The following ABR variants were observed in gnomAD, a reference collection of about 807,000 sequenced individuals.
The protein encoded by ABR is active breakpoint cluster region-related protein.
A neutral mutation model predicts 107.2 loss-of-function variants in ABR; 35 were observed. The observed-to-expected ratio is 0.33, with a 90% confidence interval of 0.25 to 0.43. ABR has a LOEUF of 0.43. Ranked by LOEUF, ABR falls within the 20% of genes least tolerant of loss-of-function variation. ABR has a pLI of 1.00. For synonymous variants in ABR, 498 were observed against 462.0 expected, an observed-to-expected ratio of 1.08 and a Z score of -1.00; for missense variants, 815 against 1,115.2, an observed-to-expected ratio of 0.73 and a Z score of 3.83.
intron 2 of ABR, among the ~76,000 whole-genome samples, chr17:1,111,622 A>G (rs1448922013): frequency 1.3e-5 from 2 of 152,070 alleles, no homozygotes; most frequent in Admixed American, 6.5e-5. Flanking sequence ...TGCAGTCTAG[A>G]GTTTCTCCAA....
At chr17:1,066,586 T>G (rs12948722) in intron 10 of ABR, among the ~76,000 whole-genome samples, 2 of 152,112 alleles carry the variant, frequency 1.3e-5, no homozygotes, top group South Asian at 4.1e-4. Flanking sequence ...TGGAGTGCAT[T>G]GGCATGTTCT....
chr17:1,084,630 C>T lies in ABR; in HGVS notation c.532-1003G>A, dbSNP rs975121550. ...ACCGAGGCTCCATAAGTCAATTCCC[C>T]AAATATTTATGGAAAGGCTTCGCTG... is the stretch of plus-strand genomic sequence containing the variant. On this transcript the variant is annotated intron_variant, in intron 4 of 22. Coordinates refer to ENST00000302538, the MANE Select transcript of ABR (RefSeq NM_021962.5). This position sits in a 1 kb window ranked among gnomAD's most constrained non-coding sequence, Gnocchi z 4.2. 1.3e-5 allele frequency among the ~76,000 whole-genome samples: 2 copies of T among 152,160 alleles called. No individual in the cohort carries two copies. The highest frequency in any genetic ancestry group is 3.2e-3 in the Middle Eastern group (1 of 316).
intron 16 of ABR, chr17:1,022,704 C>G (rs866284808): frequency 6.5e-6 from 1 of 154,896 alleles, no homozygotes; most frequent in African/African-American, 2.4e-5. Flanking sequence ...CCTCTCCAGC[C>G]CTCACCCTGC....
At chr17:1,058,286 C>T (rs1414256222) in intron 11 of ABR, among the ~76,000 whole-genome samples, 1 of 152,064 alleles carries the variant, frequency 6.6e-6, no homozygotes, top group Non-Finnish European at 1.5e-5. Flanking sequence ...ATTACAGGTG[C>T]CCACCACCAC....
At chr17:1,134,153 C>A (rs550165945) in intron 1 of ABR, among the ~76,000 whole-genome samples, 25 of 152,284 alleles carry the variant, frequency 1.6e-4, no homozygotes, top group Admixed American at 1.6e-3. Flanking sequence ...TGACTCACGC[C>A]TGTAATCCCA....
chr17:1,110,431 G>C lies in ABR; in HGVS notation c.247-9696C>G, dbSNP rs2258277. ...GGTGAAACCACCACTCACTCCAGCC[G>C]ATGGCTGCTGGAGGAAACGCAAGCT... is the stretch of plus-strand genomic sequence containing the variant. On this transcript the variant is annotated intron_variant, in intron 2 of 22. Transcript: ENST00000302538. Among the ~76,000 whole-genome samples the C allele has an allele frequency of 5.6e-4, 85 of 152,102 alleles. 1 individual carries two copies. The highest frequency in any genetic ancestry group is 1.1e-3 in the Admixed American group (17 of 15,298).
chr17:1,029,815 C>CCT (rs370106406), intron 16 of ABR, among the ~76,000 whole-genome samples: 2,495 of 39,308 alleles, frequency 0.063, 94 homozygotes, highest in African/African-American at 0.15. Flanking sequence ...AGCGCTGACC[C>CCT]GTGTCCACGA....
At position 1,078,403 on chromosome 17, in the gene ABR, C is replaced by T. The variant is rs932357077; in HGVS notation, c.700+927G>A. On this transcript the variant is annotated intron_variant, in intron 6 of 22. Coordinates refer to ENST00000302538, the MANE Select transcript of ABR (RefSeq NM_021962.5). The surrounding 1 kb of genome is among the most constrained non-coding windows in gnomAD (Gnocchi z 7.5). The stretch of plus-strand genomic sequence containing the variant: ...GCGCTGGCACCCTCTCGGCTGGCAA[C>T]GCCGCCGTCCGGACCATCGCCACCC... Among the ~76,000 whole-genome samples the T allele has an allele frequency of 1.1e-4, 17 of 152,186 alleles. No individual in the cohort carries two copies. Among genetic ancestry groups the T allele is most frequent in the East Asian group, 1.9e-4 (1 of 5,172 alleles).
chr17:1,032,866 A>G (rs2072919273), intron 16 of ABR, among the ~76,000 whole-genome samples: 1 of 152,188 alleles, frequency 6.6e-6, no homozygotes, highest in African/African-American at 2.4e-5. Context: ...AGACCCCAGC[A>G]CGGCACAGAA....
intron 1 of ABR, among the ~76,000 whole-genome samples, chr17:1,209,136 T>G (rs1195218251): frequency 6.6e-6 from 1 of 152,078 alleles, no homozygotes; most frequent in African/African-American, 2.4e-5. Context: ...CGGATGGAGT[T>G]CATGGGAGCT....
In ABR at chr17:1,011,782, T is replaced by G. The variant is rs2070573927; in HGVS notation, c.2101+64A>C. 6.6e-7 allele frequency: 1 copy of G among 1,510,020 alleles called. No homozygotes were observed. Among genetic ancestry groups the G allele is most frequent in the Non-Finnish European group, 8.9e-7 (1 of 1,126,102 alleles). The allele number at this position is 1,510,020 out of a possible 1,614,324, so 93.5% of individuals were successfully genotyped here. A position where few individuals can be genotyped will look rare whatever the true frequency, so the allele number is the denominator to read the frequency against. ...GGCTCCTGGTTCCCCCGAGCTCTCC[T>G]GTCCATCCCACCAGCCTGCTCAGAC... On this transcript the variant is annotated intron_variant, in intron 19 of 22. Coordinates refer to ENST00000302538, the MANE Select transcript of ABR (RefSeq NM_021962.5). This position sits in a 1 kb window ranked among gnomAD's most constrained non-coding sequence, Gnocchi z 4.8.
Position 1,050,780 on chromosome 17 carries a change from C to T in ABR, c.1562-146G>A, listed in dbSNP as rs556723437. The T allele has an allele frequency of 3.1e-5, 21 of 687,106 alleles. No individual in the cohort carries two copies. Among genetic ancestry groups the T allele is most frequent in the Middle Eastern group, 3.8e-4 (1 of 2,604 alleles). 42.6% of individuals were successfully genotyped at this position (687,106 alleles called of 1,614,324 possible). Reference sequence around the variant, plus strand: ...TCTTGGCTCTCTCCTCCCTGAAGCCCGGGACCATCTGGCTTCTCCCCTGCC... The same window carrying T: ...TCTTGGCTCTCTCCTCCCTGAAGCCTGGGACCATCTGGCTTCTCCCCTGCC... On this transcript the variant is annotated intron_variant, in intron 14 of 22. Coordinates refer to ENST00000302538, the MANE Select transcript of ABR (RefSeq NM_021962.5). The surrounding 1 kb of genome is among the most constrained non-coding windows in gnomAD (Gnocchi z 4.6).
At chr17:1,102,952 C>T (rs1387704113) in intron 2 of ABR, among the ~76,000 whole-genome samples, 3 of 152,076 alleles carry the variant, frequency 2.0e-5, no homozygotes, top group African/African-American at 4.8e-5. Context: ...TCAGGTGATG[C>T]GCCCGCCTCG....
chr17:1,020,883 G>A (rs1422015388), intron 16 of ABR, among the ~76,000 whole-genome samples: 5 of 152,104 alleles, frequency 3.3e-5, no homozygotes, highest in South Asian at 2.1e-4. Flanking sequence ...GGCTGCTCCC[G>A]GCCAGCTCCC....
intron 1 of ABR, among the ~76,000 whole-genome samples, chr17:1,165,465 C>G (rs2041467019): frequency 6.6e-6 from 1 of 152,258 alleles, no homozygotes; most frequent in Non-Finnish European, 1.5e-5. Context: ...GGAGGAAACT[C>G]AGGAAGCTCC....
At chr17:1,034,933 G>A (rs574289620) in intron 16 of ABR, among the ~76,000 whole-genome samples, 3 of 152,064 alleles carry the variant, frequency 2.0e-5, no homozygotes, top group Non-Finnish European at 4.4e-5. Flanking sequence ...GGTACCACAG[G>A]CTCAATACTT....
upstream of ABR, among the ~76,000 whole-genome samples, chr17:1,191,244 T>C (rs1177869267): frequency 6.6e-6 from 1 of 152,150 alleles, no homozygotes; most frequent in Non-Finnish European, 1.5e-5. Context: ...CAGACGGCGG[T>C]TGGTCTGCCA....
chr17:1,024,048 AAGC>A (rs1407215347), intron 16 of ABR, among the ~76,000 whole-genome samples: 15 of 148,494 alleles, frequency 1.0e-4, no homozygotes, highest in Admixed American at 4.7e-4. Flanking sequence ...AAAAAAAAAA[AAGC>A]AGCATCAACA....
rs1489842630 is a variant in ABR, at chr17:1,071,619, A to G, written c.894+995T>C. Among the ~76,000 whole-genome samples, 3 of 152,056 alleles carry G rather than the reference A, an allele frequency of 2.0e-5. No homozygotes were observed. Among genetic ancestry groups the G allele is most frequent in the South Asian group, 4.1e-4 (2 of 4,824 alleles). ...ACCTGGACGGCCTCCACCACCTCCA[A>G]CGCCAGCCTTTCCTGCTGTGGGCTC... On this transcript the variant is annotated intron_variant, in intron 8 of 22. Coordinates refer to ENST00000302538, the MANE Select transcript of ABR (RefSeq NM_021962.5). This position sits in a 1 kb window ranked among gnomAD's most constrained non-coding sequence, Gnocchi z 5.1.
Sources: gnomAD v4.1 joint callset for allele counts (sites outside exome capture counted in the v4.1 genomes callset) on GRCh38, gnomAD v4.1.1 for gene constraint, Gnocchi (gnomAD v3.1) non-coding constraint, MANE v1.5 for transcripts, NCBI Gene and HGNC (gene_info 2026-07-23, HGNC 2026-07-21) for gene names.